SLC2A13: variants seen among roughly 807,000 people sequenced by gnomAD.
SLC2A13 encodes proton myo-inositol cotransporter.
In SLC2A13, 32 loss-of-function variants were observed where a neutral mutation model predicts 64.4. The observed-to-expected ratio is 0.50, with a 90% CI of 0.37 to 0.67. SLC2A13 has a LOEUF of 0.67. Ranked by LOEUF, SLC2A13 falls within the 30% of genes least tolerant of loss-of-function variation. The pLI is 0.00. For synonymous variants in SLC2A13, 338 were observed against 327.1 expected, an observed-to-expected ratio of 1.03 and a Z score of -0.36; for missense variants, 743 against 829.2, an observed-to-expected ratio of 0.90 and a Z score of 1.28.
rs150297055 is a variant in SLC2A13 at position 39,821,443 on chromosome 12, A to T, written c.1445+8660T>A. On this transcript the variant is annotated intron_variant, in intron 7 of 9. Transcript: ENST00000280871. ...AAAATTTTTTTTTGTGCCCTTCCAC[A>T]GGAGAATCCAGGGTATCTTGCTATA... Among the ~76,000 whole-genome samples, 363 of 152,204 alleles carry T rather than the reference A, an allele frequency of 2.4e-3. 1 individual carries two copies. Among genetic ancestry groups the T allele is most frequent in the African/African-American group, 8.3e-3 (346 of 41,528 alleles).
At chr12:39,941,902 G>C (rs1272886475) in intron 4 of SLC2A13, among the ~76,000 whole-genome samples, 1 of 152,162 alleles carries the variant, frequency 6.6e-6, no homozygotes, top group Non-Finnish European at 1.5e-5. Flanking sequence ...TGAGAGATGA[G>C]GATCCAGTTT....
At chr12:39,965,953 C>G (rs1233076822) in intron 3 of SLC2A13, among the ~76,000 whole-genome samples, 1 of 151,996 alleles carries the variant, frequency 6.6e-6, no homozygotes, top group Non-Finnish European at 1.5e-5. Flanking sequence ...TTAAACAAAA[C>G]TTGGACATGA....
chr12:39,785,562 G>C (rs1465477244), intron 7 of SLC2A13, among the ~76,000 whole-genome samples: 1 of 152,204 alleles, frequency 6.6e-6, no homozygotes, highest in Non-Finnish European at 1.5e-5. Flanking sequence ...AGTCCCTACT[G>C]GGGCACTGCC....
intron 4 of SLC2A13, among the ~76,000 whole-genome samples, chr12:39,903,511 G>A (rs539150821): frequency 6.6e-6 from 1 of 152,154 alleles, no homozygotes; most frequent in Non-Finnish European, 1.5e-5. Context: ...TTTGGGAAGA[G>A]TGAGGGAAGC....
chr12:39,978,474 C>A (rs558937398), intron 3 of SLC2A13, among the ~76,000 whole-genome samples: 2 of 152,042 alleles, frequency 1.3e-5, no homozygotes, highest in East Asian at 1.9e-4. Context: ...GCGCACCGTG[C>A]GCGAGCCGAA....
chr12:39,795,424 T>C (rs551872047), intron 7 of SLC2A13, among the ~76,000 whole-genome samples: 1 of 152,320 alleles, frequency 6.6e-6, no homozygotes, highest in East Asian at 1.9e-4. Flanking sequence ...TCTCTTTTAT[T>C]TTTTAAATAT....
chr12:39,981,553 C>T lies in SLC2A13; in HGVS notation c.926-30188G>A, dbSNP rs1388735538. Among the ~76,000 whole-genome samples the T allele has an allele frequency of 7.5e-3, 1,116 of 148,378 alleles. 3 individuals carry two copies. The highest frequency in any genetic ancestry group is 0.025 in the African/African-American group (1,030 of 40,618). On this transcript the variant is annotated intron_variant, in intron 3 of 9. Coordinates refer to ENST00000280871, the MANE Select transcript of SLC2A13 (RefSeq NM_052885.4). ...TCAGAGAATACTACAAACACCTCTACGCAAATAAACTAGAAAATCTAGAAG... is the reference window on the plus strand; with the variant it reads ...TCAGAGAATACTACAAACACCTCTATGCAAATAAACTAGAAAATCTAGAAG...
chr12:40,016,934 A>G (rs1262696027), intron 3 of SLC2A13, among the ~76,000 whole-genome samples: 1 of 152,224 alleles, frequency 6.6e-6, no homozygotes, highest in African/African-American at 2.4e-5. Context: ...CTGTTTTGCT[A>G]AAAGTCCACA....
chr12:39,885,778 G>C (rs1189460726), intron 4 of SLC2A13, among the ~76,000 whole-genome samples: 2 of 152,142 alleles, frequency 1.3e-5, no homozygotes, highest in Non-Finnish European at 2.9e-5. Context: ...GTTTGAATTA[G>C]AATCATCTGA....
chr12:39,803,390 C>T (rs557994128), intron 7 of SLC2A13, among the ~76,000 whole-genome samples: 1 of 151,994 alleles, frequency 6.6e-6, no homozygotes, highest in South Asian at 2.1e-4. Flanking sequence ...AACAGCAGAG[C>T]CACAGGCACA....
intron 6 of SLC2A13, among the ~76,000 whole-genome samples, chr12:39,854,254 A>G (rs1259599645): frequency 6.6e-6 from 1 of 152,188 alleles, no homozygotes; most frequent in African/African-American, 2.4e-5. Context: ...AATAATAATA[A>G]TAATAACAGT....
At chr12:39,940,044 CAA>C (rs965784070) in intron 4 of SLC2A13, among the ~76,000 whole-genome samples, 1 of 152,116 alleles carries the variant, frequency 6.6e-6, no homozygotes, top group Admixed American at 6.6e-5. Context: ...ACTCATTTTT[CAA>C]AAGAGTGAGC....
At chr12:39,986,031 C>A (rs1271383710) in intron 3 of SLC2A13, among the ~76,000 whole-genome samples, 2 of 152,098 alleles carry the variant, frequency 1.3e-5, no homozygotes, top group Non-Finnish European at 2.9e-5. Context: ...TTGGTTCAGG[C>A]AGCACATCAC....
At chr12:40,096,579 A>G (rs1329081009) in intron 1 of SLC2A13, among the ~76,000 whole-genome samples, 3 of 151,950 alleles carry the variant, frequency 2.0e-5, no homozygotes, top group Non-Finnish European at 2.9e-5. Context: ...CATTTACATT[A>G]TTTTAAATTC....
In SLC2A13 at chr12:39,764,544, C is replaced by T. The variant is rs768413141; in HGVS notation, c.1636G>A (p.Ala546Thr). The T allele has an allele frequency of 1.2e-6, 2 of 1,611,996 alleles. No homozygotes were observed. The highest frequency in any genetic ancestry group is 1.7e-6 in the Non-Finnish European group (2 of 1,179,156). Residue 546 changes from alanine to threonine, a missense_variant, in exon 9 of 10, where the codon GCA (alanine) becomes ACA (threonine). By Grantham distance (58) the Ala-to-Thr change is moderately conservative. Around this residue, in one of 2 missense-constraint regions of SLC2A13, gnomAD observed 295 missense variants for 381.7 expected, o/e 0.77. Coordinates refer to ENST00000280871, the MANE Select transcript of SLC2A13 (RefSeq NM_052885.4). ...ATCCAGTTTATTCCAGATGAACATG[C>T]ATTTCCTGTACTTCTTGCCCAAAGG... ...YPLWARSTGN[A>T]CSSGINWIFN...
At chr12:40,080,416 G>A (rs1938350459) in intron 1 of SLC2A13, among the ~76,000 whole-genome samples, 1 of 151,910 alleles carries the variant, frequency 6.6e-6, no homozygotes, top group Non-Finnish European at 1.5e-5. Flanking sequence ...TTTGAGAGGG[G>A]GCCTTGCTCT....
intron 3 of SLC2A13, among the ~76,000 whole-genome samples, chr12:40,022,782 G>A (rs1947741975): frequency 6.6e-6 from 1 of 151,306 alleles, no homozygotes; most frequent in Non-Finnish European, 1.5e-5. Context: ...AGGTTGCAAA[G>A]AGCCAAAATT....
At chr12:39,765,071 C>CACCG (rs1280147768) in intron 7 of SLC2A13, among the ~76,000 whole-genome samples, 1 of 151,994 alleles carries the variant, frequency 6.6e-6, no homozygotes, top group African/African-American at 2.4e-5. Context: ...AAAACAAAGA[C>CACCG]ACCGTGTTTT....
At chr12:39,984,192 G>A (rs909850779) in intron 3 of SLC2A13, among the ~76,000 whole-genome samples, 18 of 151,714 alleles carry the variant, frequency 1.2e-4, no homozygotes, top group Non-Finnish European at 1.3e-4. Flanking sequence ...GGTGGGGGCA[G>A]GGGGGAGGGA....
Sources: gnomAD v4.1 joint callset for allele counts (sites outside exome capture counted in the v4.1 genomes callset) on GRCh38, gnomAD v4.1.1 for gene constraint, gnomAD v4.1.1 regional missense constraint, MANE v1.5 for transcripts, NCBI Gene and HGNC (gene_info 2026-07-23, HGNC 2026-07-21) for gene names.